The following DCLRE1C variants were observed in gnomAD, a reference collection of about 807,000 sequenced individuals.
DCLRE1C encodes DNA cross-link repair 1C.
DCLRE1C carries 47 observed loss-of-function variants against 61.4 expected under a neutral mutation model. The observed-to-expected ratio is 0.77, with a 90% CI of 0.61 to 0.98. The LOEUF (loss-of-function observed/expected upper bound fraction) is 0.98, where lower values mean the gene tolerates loss of function less well. Ranked by LOEUF, DCLRE1C falls within the 50% of genes least tolerant of loss-of-function variation. The pLI is 0.00. For missense variants in DCLRE1C, 858 were observed against 816.0 expected, an observed-to-expected ratio of 1.05 and a Z score of -0.63; for synonymous variants, 337 against 287.6, an observed-to-expected ratio of 1.17 and a Z score of -1.74.
chr10:14,910,379 A>G (rs1488954453), intron 13 of DCLRE1C, among the ~76,000 whole-genome samples: 3 of 152,174 alleles, frequency 2.0e-5, no homozygotes, highest in Non-Finnish European at 4.4e-5. Context: ...TAGGTCCCTC[A>G]CTACTATGCC....
At chr10:14,954,161 G>C, upstream of DCLRE1C, 2 of 1,371,848 alleles carry the variant, frequency 1.5e-6, no homozygotes, top group Non-Finnish European at 2.0e-6. Flanking sequence ...CCGGAGACCG[G>C]GGGCAAAGTC....
At chr10:14,945,415 T>TA in intron 2 of DCLRE1C, 2 of 1,267,610 alleles carry the variant, frequency 1.6e-6, no homozygotes, top group Non-Finnish European at 2.0e-6. Flanking sequence ...CAAAATCTGT[T>TA]AGAGTCACTC....
intron 13 of DCLRE1C, among the ~76,000 whole-genome samples, chr10:14,919,037 C>T (rs1836664466): frequency 6.6e-6 from 1 of 152,128 alleles, no homozygotes; most frequent in Non-Finnish European, 1.5e-5. Context: ...AGCACAATAC[C>T]TGCCATTAAT....
intron 1 of DCLRE1C, among the ~76,000 whole-genome samples, chr10:14,951,575 C>T (rs917334627): frequency 6.6e-6 from 1 of 152,028 alleles, no homozygotes; most frequent in Non-Finnish European, 1.5e-5. Context: ...TTGCCTTCAA[C>T]ACCAAAAAGG....
chr10:14,922,794 C>T (rs1837330827), intron 12 of DCLRE1C, among the ~76,000 whole-genome samples, 187 bp downstream of exon 12: 2 of 152,170 alleles, frequency 1.3e-5, no homozygotes, highest in South Asian at 4.1e-4. Context: ...ACAACACTAC[C>T]TATACCTTCT....
downstream of DCLRE1C, chr10:14,899,726 C>A: frequency 6.2e-7 from 1 of 1,600,762 alleles, no homozygotes; most frequent in Non-Finnish European, 8.5e-7. Context: ...ACTAACAATT[C>A]AACCTAGTAC....
downstream of DCLRE1C, chr10:14,902,727 T>C: frequency 8.4e-6 from 3 of 357,976 alleles, no homozygotes; most frequent in South Asian, 9.9e-5. Context: ...TTATAGTGCT[T>C]AGAGACCAAA....
chr10:14,951,669 A>G (rs1842485282), intron 1 of DCLRE1C, among the ~76,000 whole-genome samples: 2 of 152,116 alleles, frequency 1.3e-5, no homozygotes, highest in Non-Finnish European at 1.5e-5. Flanking sequence ...TAACTTACAG[A>G]CAGCCGCCTT....
At chr10:14,948,299 CAG>C (rs1294848305) in intron 2 of DCLRE1C, among the ~76,000 whole-genome samples, 1 of 152,090 alleles carries the variant, frequency 6.6e-6, no homozygotes, top group East Asian at 1.9e-4. Flanking sequence ...ATCAAGAAGA[CAG>C]AGTATTGCTA....
rs1270435658 is a variant in DCLRE1C at position 14,907,865 on chromosome 10, T to C, written c.*543A>G. 1 of 140,298 alleles carries C rather than the reference T, an allele frequency of 7.1e-6. No individual in the cohort carries two copies. The highest frequency in any genetic ancestry group is 7.2e-5 in the Admixed American group (1 of 13,968). The allele number at this position is 140,298 out of a possible 1,614,324, so 8.7% of individuals were successfully genotyped here. ...TTCTACCATTTTTTTTTCTTTTTTT[T>C]TTTTTTTTTTTTTGAGACAGAGTTT... On this transcript the variant is annotated 3_prime_UTR_variant, in exon 14 of 14. Transcript: ENST00000378278.
chr10:14,954,162 G>A (rs1397402426), upstream of DCLRE1C: 9 of 1,367,384 alleles, frequency 6.6e-6, no homozygotes, highest in Non-Finnish European at 8.1e-6. Flanking sequence ...CGGAGACCGG[G>A]GGCAAAGTCA....
chr10:14,908,744 T>A lies in DCLRE1C; in HGVS notation c.1743A>T (p.Thr581=). The A allele has an allele frequency of 6.2e-7, 1 of 1,614,242 alleles. No homozygotes were observed. Among genetic ancestry groups the A allele is most frequent in the South Asian group, 1.1e-5 (1 of 91,086 alleles). ...TSLDKADYRP[T]IKENIPASLM... ...GAGAGGCAGGAATATTCTCTTTGAT[T>A]GTTGGTCTGTAGTCAGCTTTGTCCA... Residue 581 remains threonine (T), a synonymous_variant, in exon 14 of 14, where the codon ACA becomes ACT. Transcript: ENST00000378278.
intron 9 of DCLRE1C, 91 bp from the exon 10 acceptor site, chr10:14,928,243 C>T (rs1838354094): frequency 6.1e-6 from 7 of 1,152,358 alleles, no homozygotes; most frequent in Non-Finnish European, 7.5e-6. Context: ...AGAAAAGTTT[C>T]CAGACACGAA....
rs774744871 is a variant in DCLRE1C at position 14,935,423 on chromosome 10, A to G, written c.464+40T>C. On this transcript the variant is annotated intron_variant, in intron 6 of 13. Coordinates refer to ENST00000378278, the MANE Select transcript of DCLRE1C (RefSeq NM_001033855.3). ...CACAGCAAGACTCCATTTCACAAAA[A>G]TAAAATAAAATAAAATAAAACCTAT... 12 of 1,569,622 alleles carry G rather than the reference A, an allele frequency of 7.6e-6. No individual in the cohort carries two copies. In the East Asian group the frequency reaches 1.8e-4, roughly 24 times the overall value.
At chr10:14,901,218 C>G, downstream of DCLRE1C, 1 of 1,614,018 alleles carries the variant, frequency 6.2e-7, no homozygotes, top group Non-Finnish European at 8.5e-7. Context: ...TCCACAAGAA[C>G]CATAAATGCT....
At chr10:14,913,170 A>C (rs557650659) in intron 13 of DCLRE1C, among the ~76,000 whole-genome samples, 79 of 152,372 alleles carry the variant, frequency 5.2e-4, no homozygotes, top group African/African-American at 1.7e-3. Context: ...GAGTTCTCTT[A>C]TATGAAGTGT....
At chr10:14,901,996 C>A (rs1834057387), downstream of DCLRE1C, among the ~76,000 whole-genome samples, 1 of 152,126 alleles carries the variant, frequency 6.6e-6, no homozygotes. Flanking sequence ...TAAATGTTTT[C>A]TTTCCTTTAA....
intron 12 of DCLRE1C, among the ~76,000 whole-genome samples, chr10:14,921,811 G>A (rs779839904): frequency 6.6e-6 from 1 of 152,094 alleles, no homozygotes; most frequent in Non-Finnish European, 1.5e-5. Context: ...TCAGCTCTAT[G>A]ATCCCTCCTC....
intron 13 of DCLRE1C, among the ~76,000 whole-genome samples, chr10:14,913,878 A>G (rs1336855616): frequency 1.3e-5 from 2 of 152,212 alleles, no homozygotes; most frequent in Non-Finnish European, 2.9e-5. Flanking sequence ...CAAGGATACT[A>G]AGGGATGACT....
Sources: allele counts gnomAD v4.1 joint callset (sites outside exome capture counted in the v4.1 genomes callset), GRCh38; gene constraint gnomAD v4.1.1; transcripts MANE v1.5; gene names NCBI Gene and HGNC (gene_info 2026-07-23, HGNC 2026-07-21).